The following GPR141 variants were observed in gnomAD, a reference collection of about 807,000 sequenced individuals.
GPR141 encodes probable G protein-coupled receptor 141.
GPR141 carries 6 observed loss-of-function variants against 6.8 expected under a neutral mutation model. That is an observed-to-expected ratio of 0.88 (90% CI 0.48 to 1.74). The LOEUF is 1.74. Among genes scored for constraint, GPR141 ranks in the 40% most tolerant of loss-of-function variants. GPR141 has a pLI of 0.01. For missense variants in GPR141, 372 were observed against 372.9 expected, an observed-to-expected ratio of 1.00 and a Z score of 0.02; for synonymous variants, 140 against 142.3, an observed-to-expected ratio of 0.98 and a Z score of 0.11.
Position 37,741,179 on chromosome 7 carries a change from T to C in GPR141, c.786T>C (p.Val262=). 1 of 1,613,964 alleles carries C rather than the reference T, an allele frequency of 6.2e-7. No individual in the cohort carries two copies. Among genetic ancestry groups the C allele is most frequent in the Non-Finnish European group, 8.5e-7 (1 of 1,179,820 alleles). Residue 262 remains valine (V), a synonymous_variant, in exon 3 of 3, where the codon GTT becomes GTC. Coordinates refer to ENST00000334425, the MANE Select transcript of GPR141 (RefSeq NM_001381946.1). ...VTHSNACNSK[V]AFYNEIFLSV... ...ATTCCAATGCCTGTAACAGCAAGGT[T>C]GCATTTTATAACGAAATCTTCTTGA...
chr7:37,708,233 C>T (rs1344501953), intron 2 of GPR141, among the ~76,000 whole-genome samples: 1 of 36,150 alleles, frequency 2.8e-5, no homozygotes, highest in African/African-American at 1.1e-4. Flanking sequence ...TCATTGAGCT[C>T]AGCTCAGAAT....
intron 2 of GPR141, among the ~76,000 whole-genome samples, chr7:37,711,046 A>T (rs1294336906): frequency 2.0e-5 from 3 of 152,234 alleles, no homozygotes; most frequent in Non-Finnish European, 4.4e-5. Context: ...TGTTACTTAA[A>T]TTAAAATCAC....
intron 2 of GPR141, among the ~76,000 whole-genome samples, chr7:37,703,355 T>C (rs1232590676): frequency 6.6e-6 from 1 of 152,140 alleles, no homozygotes; most frequent in Non-Finnish European, 1.5e-5. Context: ...TATGATTTCT[T>C]TTTATTCACC....
At chr7:37,707,500 A>G (rs1810577386) in intron 2 of GPR141, among the ~76,000 whole-genome samples, 1 of 151,924 alleles carries the variant, frequency 6.6e-6, no homozygotes, top group South Asian at 2.1e-4. Context: ...ACTGAAAACC[A>G]TACTATCTTT....
At chr7:37,704,777 C>T (rs17171136) in intron 2 of GPR141, among the ~76,000 whole-genome samples, 11,570 of 152,206 alleles carry the variant, frequency 0.076, 630 homozygotes, top group South Asian at 0.21. Context: ...AGAGCTGCCT[C>T]TGCTTTTATA....
At chr7:37,732,793 G>C (rs986818211) in intron 2 of GPR141, among the ~76,000 whole-genome samples, 30 of 152,212 alleles carry the variant, frequency 2.0e-4, no homozygotes, top group African/African-American at 7.2e-4. Context: ...GTCGTAAGGA[G>C]AGGATTGGCA....
intron 2 of GPR141, among the ~76,000 whole-genome samples, chr7:37,711,962 T>C (rs910838420): frequency 1.3e-5 from 2 of 152,214 alleles, no homozygotes; most frequent in Non-Finnish European, 2.9e-5. Context: ...AGATGACAGA[T>C]GCCCTCAAAG....
At chr7:37,733,671 CAAAAAA>C (rs55943222) in intron 2 of GPR141, among the ~76,000 whole-genome samples, 10 of 101,308 alleles carry the variant, frequency 9.9e-5, no homozygotes, top group Non-Finnish European at 1.5e-4. Flanking sequence ...AACTCCATCT[CAAAAAA>C]AAAAAAAAAA....
Position 37,686,025 on chromosome 7 carries a change from G to A in GPR141, c.-15+442G>A, listed in dbSNP as rs1809494664. Among the ~76,000 whole-genome samples, 3 of 152,028 alleles carry A rather than the reference G, an allele frequency of 2.0e-5. No individual in the cohort carries two copies. The South Asian group carries it at 6.2e-4, about 32-fold the overall frequency. ...TTAAAAAATATATTTTTGGGACAGG[G>A]CCTCGCTCTGTCTCCAAGGCAGGAG... On this transcript the variant is annotated intron_variant, in intron 2 of 2. Transcript: ENST00000334425.
In GPR141 at chr7:37,740,378, A is replaced by G. The variant is rs756959720; in HGVS notation, c.-14-2A>G. ...GTTACTCTGGTGCTTTTTCTCCTCCAGGTGACTTCCCAAGTATGCCTGGCC... is the reference window on the plus strand; with the variant it reads ...GTTACTCTGGTGCTTTTTCTCCTCCGGGTGACTTCCCAAGTATGCCTGGCC... On this transcript the variant is annotated splice_acceptor_variant, in intron 2 of 2. Transcript: ENST00000334425. LOFTEE classifies it low-confidence loss of function (5UTR_SPLICE). 14 of 1,563,882 alleles carry G rather than the reference A, an allele frequency of 9.0e-6. No individual in the cohort carries two copies. The South Asian group carries it at 1.6e-4, about 17-fold the overall frequency.
chr7:37,727,949 C>T (rs996744579), intron 2 of GPR141, among the ~76,000 whole-genome samples: 1 of 152,224 alleles, frequency 6.6e-6, no homozygotes, highest in African/African-American at 2.4e-5. Context: ...TTCTCACCCA[C>T]GTTCTCCTAA....
At chr7:37,712,654 A>G (rs1177834821) in intron 2 of GPR141, among the ~76,000 whole-genome samples, 1 of 152,196 alleles carries the variant, frequency 6.6e-6, no homozygotes, top group East Asian at 1.9e-4. Context: ...GCAATGCATG[A>G]GCAGATGGGG....
intron 2 of GPR141, among the ~76,000 whole-genome samples, chr7:37,732,058 A>AT (rs904281871): frequency 1.7e-5 from 2 of 120,488 alleles, no homozygotes; most frequent in African/African-American, 6.3e-5. Flanking sequence ...TATTTATTTT[A>AT]TTTTTTTATT....
chr7:37,695,290 C>T (rs1466092269), intron 2 of GPR141, among the ~76,000 whole-genome samples: 2 of 152,216 alleles, frequency 1.3e-5, no homozygotes, highest in Non-Finnish European at 2.9e-5. Flanking sequence ...GCAAGACACA[C>T]TCCAACATAG....
At chr7:37,724,386 A>T (rs1453821310) in intron 2 of GPR141, among the ~76,000 whole-genome samples, 2 of 152,216 alleles carry the variant, frequency 1.3e-5, no homozygotes, top group Admixed American at 1.3e-4. Flanking sequence ...GAGGACTGTG[A>T]GAGAGAGTTC....
chr7:37,722,963 C>CTTCT (rs1554344376), intron 2 of GPR141, among the ~76,000 whole-genome samples: 31 of 135,196 alleles, frequency 2.3e-4, no homozygotes, highest in Non-Finnish European at 4.0e-4. Flanking sequence ...TCCTTCCTTC[C>CTTCT]TTCCTTCCTT....
In GPR141 at chr7:37,721,210, C is replaced by T. The variant is rs1365921935; in HGVS notation, c.-14-19170C>T. On this transcript the variant is annotated intron_variant, in intron 2 of 2. Transcript: ENST00000334425. Reference sequence around the variant, plus strand: ...GGCTGTCATTTGTTAGTTGAGTGAACCCAGAAAGTTGCTTAACTTTTCCGA... The same window carrying T: ...GGCTGTCATTTGTTAGTTGAGTGAATCCAGAAAGTTGCTTAACTTTTCCGA... Among the ~76,000 whole-genome samples, 4 of 149,660 alleles carry T rather than the reference C, an allele frequency of 2.7e-5. No homozygotes were observed. In the East Asian group the frequency reaches 7.8e-4, roughly 29 times the overall value.
chr7:37,731,302 G>C (rs1482832023), intron 2 of GPR141, among the ~76,000 whole-genome samples: 1 of 152,216 alleles, frequency 6.6e-6, no homozygotes, highest in African/African-American at 2.4e-5. Flanking sequence ...CATAGGTGGG[G>C]AGGTGATTGT....
intron 2 of GPR141, among the ~76,000 whole-genome samples, chr7:37,727,906 C>G (rs933088350): frequency 3.9e-5 from 6 of 152,232 alleles, no homozygotes; most frequent in Non-Finnish European, 8.8e-5. Flanking sequence ...AGAGTGGCAA[C>G]ATGCCGTAAA....
Sources: allele counts gnomAD v4.1 joint callset (sites outside exome capture counted in the v4.1 genomes callset), GRCh38; gene constraint gnomAD v4.1.1; transcripts MANE v1.5; gene names NCBI Gene and HGNC (gene_info 2026-07-23, HGNC 2026-07-21).